The following PHACTR2 variants were observed in gnomAD, a reference collection of about 807,000 sequenced individuals.
PHACTR2 encodes the protein chromosome 6 open reading frame 56.
Under a neutral mutation model 76.0 loss-of-function variants are expected in PHACTR2, and 30 were observed. The observed-to-expected ratio is 0.39, with a 90% CI of 0.30 to 0.54. The LOEUF (loss-of-function observed/expected upper bound fraction) is 0.54. Among genes scored for constraint, PHACTR2 ranks in the 20% least tolerant of loss-of-function variants. The pLI is 0.61. For synonymous variants in PHACTR2, 292 were observed against 292.5 expected, an observed-to-expected ratio of 1.00 and a Z score of 0.02; for missense variants, 696 against 781.1, an observed-to-expected ratio of 0.89 and a Z score of 1.30.
rs963247590 is a variant in PHACTR2, at chr6:143,664,237, G to A, written c.14-47779G>A. ...GAGATTATAAATTTTCTTTTGGTAA[G>A]AATTTTCTTAGTAAATATTTTTCAT... On this transcript the variant is annotated intron_variant, in intron 1 of 11. Transcript: ENST00000305766. This position sits in a 1 kb window ranked among gnomAD's most constrained non-coding sequence, Gnocchi z 5.1. Among the ~76,000 whole-genome samples the A allele has an allele frequency of 6.6e-6, 1 of 151,812 alleles. No homozygotes were observed. The highest frequency in any genetic ancestry group is 2.4e-5 in the African/African-American group (1 of 41,362).
At position 143,710,994 on chromosome 6, in the gene PHACTR2, C is replaced by A. The variant is rs1778164784; in HGVS notation, c.47-1022C>A. On this transcript the variant is annotated intron_variant, in intron 1 of 12. Transcript: ENST00000440869. The surrounding 1 kb of genome is among the most constrained non-coding windows in gnomAD (Gnocchi z 4.9). ...CTTCACCTCTAAACACTTCAGCATACATGTCATTAATTAGACTTCACTGTC... is the reference window on the plus strand; with the variant it reads ...CTTCACCTCTAAACACTTCAGCATAAATGTCATTAATTAGACTTCACTGTC... 1 of 513,822 alleles carries A rather than the reference C, an allele frequency of 1.9e-6. No individual in the cohort carries two copies. Among genetic ancestry groups the A allele is most frequent in the East Asian group, 5.5e-5 (1 of 18,348 alleles). The allele number at this position is 513,822 out of a possible 1,614,324, so 31.8% of individuals were successfully genotyped here.
intron 1 of PHACTR2, among the ~76,000 whole-genome samples, chr6:143,564,213 A>ATATG (rs1775327633): frequency 9.0e-6 from 1 of 111,358 alleles, no homozygotes; most frequent in Non-Finnish European, 1.9e-5. Context: ...ATATATATAT[A>ATATG]TATATATATA....
chr6:143,723,239 A>C (rs987072082), intron 2 of PHACTR2, among the ~76,000 whole-genome samples: 13 of 152,352 alleles, frequency 8.5e-5, no homozygotes, highest in African/African-American at 3.1e-4. Context: ...TCTAGCCAGA[A>C]GAGAAGAGAA....
At chr6:143,584,150 A>G (rs551408750) in intron 1 of PHACTR2, among the ~76,000 whole-genome samples, 2 of 152,302 alleles carry the variant, frequency 1.3e-5, no homozygotes, top group South Asian at 4.1e-4. Flanking sequence ...CTCCTGTGAG[A>G]TACATTCTTT....
intron 11 of PHACTR2, among the ~76,000 whole-genome samples, chr6:143,797,756 CTG>C (rs1383191232): frequency 1.3e-5 from 2 of 152,154 alleles, no homozygotes; most frequent in Non-Finnish European, 1.5e-5. Flanking sequence ...TTCCATCAGT[CTG>C]TGTATCTGTT....
intron 2 of PHACTR2, among the ~76,000 whole-genome samples, chr6:143,720,873 A>G (rs1378049521): frequency 6.6e-6 from 1 of 152,186 alleles, no homozygotes; most frequent in Non-Finnish European, 1.5e-5. Context: ...CTGGCCTCCC[A>G]AAGTATTGGG....
intron 2 of PHACTR2, among the ~76,000 whole-genome samples, chr6:143,718,586 A>C (rs1778355176): frequency 6.6e-6 from 1 of 152,238 alleles, no homozygotes; most frequent in South Asian, 2.1e-4. Flanking sequence ...TTTTGTCTGA[A>C]GAATTACTTT....
rs1437790077 is a variant in PHACTR2 at position 143,806,183 on chromosome 6, C to T, written c.1846-874C>T. On this transcript the variant is annotated intron_variant, in intron 11 of 12. Coordinates refer to ENST00000440869, the MANE Select transcript of PHACTR2 (RefSeq NM_001100164.2). This position sits in a 1 kb window ranked among gnomAD's most constrained non-coding sequence, Gnocchi z 5.8. ...CCTGCCACTATTTGTTAACAGATAA[C>T]TAATGTTAACATTTCAGTCTGAATG... Among the ~76,000 whole-genome samples the T allele has an allele frequency of 6.6e-6, 1 of 152,150 alleles. No homozygotes were observed. Among genetic ancestry groups the T allele is most frequent in the Non-Finnish European group, 1.5e-5 (1 of 68,014 alleles).
At chr6:143,705,571 C>T (rs1008332187) in intron 1 of PHACTR2, among the ~76,000 whole-genome samples, 1 of 152,334 alleles carries the variant, frequency 6.6e-6, no homozygotes, top group East Asian at 1.9e-4. Flanking sequence ...GCTGGGATTA[C>T]AGGCATGAGC....
chr6:143,648,988 ATGTCTCTGTG>A lies in PHACTR2; in HGVS notation c.13+40680_13+40689del, dbSNP rs71730447. Reference sequence around the variant, plus strand: ...TCTATGTGTATGACTGTTTCTATGTATGTCTCTGTGTGTCTCTGTGTGTGTCTGTGTGTCT... The same window carrying A: ...TCTATGTGTATGACTGTTTCTATGTATGTCTCTGTGTGTGTCTGTGTGTCT... On this transcript the variant is annotated intron_variant, in intron 1 of 11. Transcript: ENST00000305766. The surrounding 1 kb of genome is among the most constrained non-coding windows in gnomAD (Gnocchi z 6.7). Among the ~76,000 whole-genome samples, 1,762 of 136,194 alleles carry A rather than the reference ATGTCTCTGTG, an allele frequency of 0.013. 40 individuals are homozygous for A. Among genetic ancestry groups the A allele is most frequent in the African/African-American group, 0.048 (1,664 of 34,892 alleles). 89.3% of individuals were successfully genotyped at this position (136,194 alleles called of 152,430 possible).
In PHACTR2 at chr6:143,680,197, T is replaced by C. The variant is rs1777358674; in HGVS notation, c.46+1988T>C. 2.6e-5 allele frequency among the ~76,000 whole-genome samples: 4 copies of C among 152,082 alleles called. No individual in the cohort carries two copies. The highest frequency in any genetic ancestry group is 5.9e-5 in the Non-Finnish European group (4 of 68,014). ...TAACGTTTGCTGAGTTTTATATTCA[T>C]GTCTGTATTTTTCTGAGTCTGAGAC... On this transcript the variant is annotated intron_variant, in intron 1 of 12. Coordinates refer to ENST00000440869, the MANE Select transcript of PHACTR2 (RefSeq NM_001100164.2). The surrounding 1 kb of genome is among the most constrained non-coding windows in gnomAD (Gnocchi z 4.5).
At chr6:143,606,216 A>C (rs562862085), upstream of PHACTR2, among the ~76,000 whole-genome samples, 4 of 152,196 alleles carry the variant, frequency 2.6e-5, no homozygotes, top group African/African-American at 9.6e-5. Flanking sequence ...GCGTCACGTC[A>C]CTTCAAGTTA....
rs1285319111 is a variant in PHACTR2 at position 143,625,373 on chromosome 6, A to G, written c.13+17051A>G. 6.6e-6 allele frequency among the ~76,000 whole-genome samples: 1 copy of G among 152,190 alleles called. No individual in the cohort carries two copies. Among genetic ancestry groups the G allele is most frequent in the African/African-American group, 2.4e-5 (1 of 41,464 alleles). On this transcript the variant is annotated intron_variant, in intron 1 of 11. Coordinates refer to the PHACTR2 transcript ENST00000305766. This position sits in a 1 kb window ranked among gnomAD's most constrained non-coding sequence, Gnocchi z 4.3. ...TACCTGTACAGTTTATTCAAAAAATAAATATTTAAGTTATAAATTTATTAG... is the reference window on the plus strand; with the variant it reads ...TACCTGTACAGTTTATTCAAAAAATGAATATTTAAGTTATAAATTTATTAG...
chr6:143,570,303 T>C lies in PHACTR2; in HGVS notation c.217+33096T>C, dbSNP rs989007805. Among the ~76,000 whole-genome samples the C allele has an allele frequency of 3.3e-5, 5 of 152,192 alleles. No individual in the cohort carries two copies. In the East Asian group the frequency reaches 9.6e-4, roughly 29 times the overall value. On this transcript the variant is annotated intron_variant, in intron 1 of 11. Transcript: ENST00000367584. This position sits in a 1 kb window ranked among gnomAD's most constrained non-coding sequence, Gnocchi z 4.6. ...GTCACAGGTGAAGCCCCATTTGTTT[T>C]TCCATTCAGCCACCCGCTGGCCCTA...
chr6:143,687,309 G>A (rs1354749368), intron 1 of PHACTR2, among the ~76,000 whole-genome samples: 2 of 152,120 alleles, frequency 1.3e-5, no homozygotes, highest in Admixed American at 1.3e-4. Context: ...CCTTCTTAAT[G>A]CAGTGGGGAA....
chr6:143,617,641 TCCAGTCTAGCAGG>T lies in PHACTR2; in HGVS notation c.13+9330_13+9342del, dbSNP rs1776078178. Among the ~76,000 whole-genome samples, 1 of 152,124 alleles carries T rather than the reference TCCAGTCTAGCAGG, an allele frequency of 6.6e-6. No individual in the cohort carries two copies. On this transcript the variant is annotated intron_variant, in intron 1 of 11. Coordinates refer to the PHACTR2 transcript ENST00000305766. The surrounding 1 kb of genome is among the most constrained non-coding windows in gnomAD (Gnocchi z 4.8). Reference sequence around the variant, plus strand: ...CCCCTTTCTCTCCCTCCTTCCTCCCTCCAGTCTAGCAGGCCAGTCTAGCTGAGATTTTGTGCTT... The same window carrying T: ...CCCCTTTCTCTCCCTCCTTCCTCCCTCCAGTCTAGCTGAGATTTTGTGCTT...
chr6:143,686,777 G>A (rs73577964), intron 1 of PHACTR2, among the ~76,000 whole-genome samples: 4,684 of 152,102 alleles, frequency 0.031, 213 homozygotes, highest in African/African-American at 0.11. Context: ...GAGCCACTGC[G>A]CCCACCCAGG....
rs1419949477 is a variant in PHACTR2, at chr6:143,549,144, C to T, written c.217+11937C>T. Among the ~76,000 whole-genome samples the T allele has an allele frequency of 1.3e-5, 2 of 151,984 alleles. No individual in the cohort carries two copies. The highest frequency in any genetic ancestry group is 2.9e-5 in the Non-Finnish European group (2 of 67,938). Reference sequence around the variant, plus strand: ...ACATTTCCACAGAGCTGTCTGGGCCCCTTTGGTTTCCATTCAAGGCAGCCC... The same window carrying T: ...ACATTTCCACAGAGCTGTCTGGGCCTCTTTGGTTTCCATTCAAGGCAGCCC... On this transcript the variant is annotated intron_variant, in intron 1 of 11. Coordinates refer to the PHACTR2 transcript ENST00000367584. This position sits in a 1 kb window ranked among gnomAD's most constrained non-coding sequence, Gnocchi z 4.2.
intron 4 of PHACTR2, among the ~76,000 whole-genome samples, chr6:143,759,688 AAAAAG>A (rs1192733017): frequency 6.6e-6 from 1 of 151,940 alleles, no homozygotes; most frequent in Non-Finnish European, 1.5e-5. Context: ...ACAAAAAAAA[AAAAAG>A]AAAAGAAAAG....
Sources: allele counts gnomAD v4.1 joint callset (sites outside exome capture counted in the v4.1 genomes callset), GRCh38; gene constraint gnomAD v4.1.1; non-coding constraint Gnocchi (gnomAD v3.1); transcripts MANE v1.5; gene names NCBI Gene and HGNC (gene_info 2026-07-23, HGNC 2026-07-21).